PLEKHA5: variants seen among roughly 807,000 people sequenced by gnomAD.
PLEKHA5 encodes the protein pleckstrin homology domain-containing family A member 5.
PLEKHA5 carries 55 observed loss-of-function variants against 181.9 expected under a neutral mutation model. That is an observed-to-expected ratio of 0.30 (90% CI 0.24 to 0.38). The LOEUF (loss-of-function observed/expected upper bound fraction) is 0.38, where lower values mean the gene tolerates loss of function less well. Among genes scored for constraint, PLEKHA5 ranks in the 10% least tolerant of loss-of-function variants. The pLI, the probability that PLEKHA5 is intolerant of heterozygous loss-of-function variation, is 1.00. For missense variants in PLEKHA5, 1,432 were observed against 1,549.5 expected (o/e 0.92, Z 1.27); for synonymous variants, 535 against 529.4 (o/e 1.01, Z -0.15).
chr12:19,369,037 G>C (rs1031326236), intron 30 of PLEKHA5, among the ~76,000 whole-genome samples: 1 of 151,632 alleles, frequency 6.6e-6, no homozygotes, highest in Non-Finnish European at 1.5e-5. Context: ...GTTTTTTGTT[G>C]TTGTTGTTGT....
At chr12:19,231,315 A>G (rs373351765) in intron 3 of PLEKHA5, among the ~76,000 whole-genome samples, 1 of 152,210 alleles carries the variant, frequency 6.6e-6, no homozygotes, top group South Asian at 2.1e-4. Context: ...AGATATTGTT[A>G]GTAAATCAGA....
intron 18 of PLEKHA5, among the ~76,000 whole-genome samples, chr12:19,322,028 G>C (rs993307856): frequency 6.6e-6 from 1 of 151,918 alleles, no homozygotes; most frequent in Non-Finnish European, 1.5e-5. Context: ...GTGATCTATT[G>C]TTTATATTAT....
chr12:19,255,532 TG>T (rs917935695), intron 5 of PLEKHA5, among the ~76,000 whole-genome samples: 1 of 151,818 alleles, frequency 6.6e-6, no homozygotes, highest in African/African-American at 2.4e-5. Context: ...TTATGTTTAT[TG>T]TAAGGAAATA....
intron 3 of PLEKHA5, among the ~76,000 whole-genome samples, chr12:19,145,138 G>T (rs1037611198): frequency 6.6e-6 from 1 of 152,106 alleles, no homozygotes; most frequent in African/African-American, 2.4e-5. Context: ...GGTTATATGA[G>T]TGTGTAGACA....
chr12:19,375,285 C>T (rs1292178525), intron 31 of PLEKHA5, among the ~76,000 whole-genome samples: 1 of 152,058 alleles, frequency 6.6e-6, no homozygotes, highest in African/African-American at 2.4e-5. Flanking sequence ...GATCATACCA[C>T]TGCACCCCAG....
At chr12:19,173,177 C>T (rs527896944) in intron 3 of PLEKHA5, among the ~76,000 whole-genome samples, 102 of 149,368 alleles carry the variant, frequency 6.8e-4, no homozygotes, top group African/African-American at 2.4e-3. Flanking sequence ...GCGCCCGCCA[C>T]CGCGCCCGGC....
chr12:19,215,680 C>G (rs1307168455), intron 3 of PLEKHA5, among the ~76,000 whole-genome samples: 1 of 152,134 alleles, frequency 6.6e-6, no homozygotes, highest in African/African-American at 2.4e-5. Context: ...AATTTAGTCT[C>G]AAGTAATTCA....
chr12:19,358,507 ATGAT>A lies in PLEKHA5; in HGVS notation c.3348+75_3348+78del, dbSNP rs1169303527. 3 of 991,922 alleles carry A rather than the reference ATGAT, an allele frequency of 3.0e-6. No individual in the cohort carries two copies. In the African/African-American group the frequency reaches 4.8e-5, roughly 16 times the overall value. 61.4% of individuals were successfully genotyped at this position (991,922 alleles called of 1,614,324 possible). ...CACTGAATTTTGGAATCAGAGTTAC[ATGAT>A]TGATAGGTCTTAAAAGGTCTGCAGT... On this transcript the variant is annotated intron_variant, in intron 27 of 31. Coordinates refer to ENST00000429027, the MANE Select transcript of PLEKHA5 (RefSeq NM_001256470.2).
At chr12:19,177,775 A>G (rs372517653) in intron 3 of PLEKHA5, among the ~76,000 whole-genome samples, 4 of 152,318 alleles carry the variant, frequency 2.6e-5, no homozygotes, top group South Asian at 4.1e-4. Flanking sequence ...AATAAGTTAT[A>G]ATTTATAGGT....
At position 19,287,568 on chromosome 12, in the gene PLEKHA5, C is replaced by G; in HGVS notation, c.1863+12C>G. ...TCCAAGGGAAAACGGTGAGTAATAT[C>G]TTTATTTACCATACCATGTTTTATT... On this transcript the variant is annotated intron_variant, in intron 13 of 31. Coordinates refer to ENST00000429027, the MANE Select transcript of PLEKHA5 (RefSeq NM_001256470.2). 1 of 1,371,202 alleles carries G rather than the reference C, an allele frequency of 7.3e-7. No homozygotes were observed. The highest frequency in any genetic ancestry group is 1.0e-6 in the Non-Finnish European group (1 of 964,718). The allele number at this position is 1,371,202 out of a possible 1,614,324, so 84.9% of individuals were successfully genotyped here.
At chr12:19,292,768 G>A (rs1467208637) in intron 15 of PLEKHA5, among the ~76,000 whole-genome samples, 3 of 152,012 alleles carry the variant, frequency 2.0e-5, no homozygotes, top group Admixed American at 6.6e-5. Context: ...GCGAAACACC[G>A]TCTCTACTAA....
At chr12:19,238,587 C>T (rs773796605) in intron 3 of PLEKHA5, among the ~76,000 whole-genome samples, 12 of 151,834 alleles carry the variant, frequency 7.9e-5, no homozygotes, top group East Asian at 1.9e-4. Flanking sequence ...ATCTTGAATC[C>T]GCTGAAAATG....
At chr12:19,321,165 CAA>C (rs964771312) in intron 18 of PLEKHA5, among the ~76,000 whole-genome samples, 17 of 127,718 alleles carry the variant, frequency 1.3e-4, no homozygotes, top group Admixed American at 2.4e-4. Flanking sequence ...GACCCTGCCT[CAA>C]AAAAAAAAAA....
At chr12:19,353,223 A>G (rs1307421175) in intron 25 of PLEKHA5, among the ~76,000 whole-genome samples, 4 of 151,978 alleles carry the variant, frequency 2.6e-5, no homozygotes, top group African/African-American at 9.7e-5. Context: ...GCGCTATCTC[A>G]GCTCACTGCA....
At chr12:19,340,848 C>T (rs938148810) in intron 21 of PLEKHA5, among the ~76,000 whole-genome samples, 6 of 150,432 alleles carry the variant, frequency 4.0e-5, no homozygotes, top group African/African-American at 1.5e-4. Flanking sequence ...CTAGGAAAAC[C>T]AGAGACCTTT....
intron 3 of PLEKHA5, chr12:19,207,681 A>C (rs776831696): frequency 3.3e-5 from 5 of 152,160 alleles, no homozygotes; most frequent in Non-Finnish European, 7.3e-5. Flanking sequence ...CTTACCCTGG[A>C]ACTTAATTTT....
At chr12:19,229,377 C>CT (rs1344041355) in intron 3 of PLEKHA5, among the ~76,000 whole-genome samples, 9 of 152,112 alleles carry the variant, frequency 5.9e-5, no homozygotes, top group Non-Finnish European at 1.3e-4. Context: ...TTTGTTCCTT[C>CT]TGATGTTCAG....
chr12:19,255,560 TTA>T (rs1436998017), intron 5 of PLEKHA5, among the ~76,000 whole-genome samples: 6 of 151,854 alleles, frequency 4.0e-5, no homozygotes, highest in African/African-American at 1.4e-4. Context: ...TATAAGATAA[TTA>T]TAATAATAGT....
intron 3 of PLEKHA5, among the ~76,000 whole-genome samples, chr12:19,163,497 T>C (rs1255109981): frequency 6.6e-6 from 1 of 152,142 alleles, no homozygotes; most frequent in Non-Finnish European, 1.5e-5. Context: ...CACTTTCATT[T>C]GCTCTTTTCC....
Sources: allele counts gnomAD v4.1 joint callset (sites outside exome capture counted in the v4.1 genomes callset), GRCh38; gene constraint gnomAD v4.1.1; transcripts MANE v1.5; gene names NCBI Gene and HGNC (gene_info 2026-07-23, HGNC 2026-07-21).